MYH8: variants seen among roughly 807,000 people sequenced by gnomAD.
MYH8 encodes the protein myosin-8.
Under a neutral mutation model 233.2 loss-of-function variants are expected in MYH8, and 168 were observed. The observed-to-expected ratio is 0.72, with a 90% CI of 0.64 to 0.82. The LOEUF (loss-of-function observed/expected upper bound fraction) is 0.82. MYH8 is among the 40% of genes least tolerant of loss of function. The pLI is 0.00. For missense variants in MYH8, 1,995 were observed against 2,327.8 expected (o/e 0.86, Z 2.94); for synonymous variants, 785 against 850.6 (o/e 0.92, Z 1.34).
chr17:10,402,248 G>T (rs1330719950), intron 22 of MYH8, among the ~76,000 whole-genome samples: 1 of 152,006 alleles, frequency 6.6e-6, no homozygotes, highest in Non-Finnish European at 1.5e-5. Flanking sequence ...GGTTAGTTTT[G>T]GTTTTGATCA....
Position 10,417,298 on chromosome 17 carries a change from A to G in MYH8, c.511+1347T>C, listed in dbSNP as rs1168981385. On this transcript the variant is annotated intron_variant, in intron 5 of 39. Coordinates refer to ENST00000403437, the MANE Select transcript of MYH8 (RefSeq NM_002472.3). The surrounding 1 kb of genome is among the most constrained non-coding windows in gnomAD (Gnocchi z 4.1). ...ACCTAAAAATCTATTCAGGGAAAATAGATATAAATCTGGATGTTATTTAGA... is the reference window on the plus strand; with the variant it reads ...ACCTAAAAATCTATTCAGGGAAAATGGATATAAATCTGGATGTTATTTAGA... Among the ~76,000 whole-genome samples the G allele has an allele frequency of 6.6e-6, 1 of 152,276 alleles. No homozygotes were observed. The highest frequency in any genetic ancestry group is 1.5e-5 in the Non-Finnish European group (1 of 68,050).
rs764945421 is a variant in MYH8, at chr17:10,400,959, C to G, written c.3255G>C (p.Lys1085Asn). The G allele has an allele frequency of 4.3e-6, 7 of 1,613,614 alleles. No homozygotes were observed. In the South Asian group the frequency reaches 5.5e-5, roughly 13 times the overall value. ...TCAAATTGCTGATTTCAAATTCTTT[C>G]CTTTAGACAGAAGAGCAAGACGTAT... is the stretch of plus-strand genomic sequence containing the variant. Reference protein sequence around the residue: ...DKQQLDEKLEKKEFEISNLIS... With the variant: ...DKQQLDEKLENKEFEISNLIS... The change falls in exon 26 of 40, where the codon AAG becomes AAC. Residue 1085 changes from lysine (K) to asparagine (N), a missense_variant and splice_region_variant. By Grantham distance (94) the Lys-to-Asn change is moderately conservative. Around this residue, in one of 3 missense-constraint regions of MYH8, gnomAD observed 1,498 missense variants for 1,680.9 expected, o/e 0.89. Coordinates refer to ENST00000403437, the MANE Select transcript of MYH8 (RefSeq NM_002472.3). This position sits in a 1 kb window ranked among gnomAD's most constrained non-coding sequence, Gnocchi z 4.0.
chr17:10,401,605 T>A lies in MYH8; in HGVS notation c.2869A>T (p.Ile957Phe). 6.2e-7 allele frequency: 1 copy of A among 1,614,196 alleles called. No homozygotes were observed. The highest frequency in any genetic ancestry group is 1.1e-5 in the South Asian group (1 of 91,084). ...GCCAGTGTCAGCTCAAGGTCATCAA[T>A]GTCTTTCTTGAGTTCTGAACATTCA... ...EDECSELKKDIDDLELTLAKV... is the reference protein window; with the variant it reads ...EDECSELKKDFDDLELTLAKV... Residue 957 changes from isoleucine (I) to phenylalanine (F), a missense_variant, in exon 23 of 40, where the codon ATT becomes TTT. By Grantham distance (21) the Ile-to-Phe change is conservative (BLOSUM62 0). This residue lies in a region of MYH8 where 1,498 missense variants were observed against 1,680.9 expected (regional missense o/e 0.89). Coordinates refer to ENST00000403437, the MANE Select transcript of MYH8 (RefSeq NM_002472.3).
In MYH8 at chr17:10,396,695, C is replaced by T. The variant is rs1727565062; in HGVS notation, c.4386G>A (p.Lys1462=). Residue 1462 remains lysine (K), a synonymous_variant, in exon 32 of 40, where the codon AAG becomes AAA. Transcript: ENST00000403437. This position sits in a 1 kb window ranked among gnomAD's most constrained non-coding sequence, Gnocchi z 4.2. ...FDKVLSEWKQ[K]YEETQAELEA... is the part of the protein sequence containing the mutation. ...CAAGTTCAGCCTGAGTTTCCTCATA[C>T]TTCTGCTTCCATTCTGATAGGACCT... is the stretch of plus-strand genomic sequence containing the variant. 1.2e-6 allele frequency: 2 copies of T among 1,614,214 alleles called. No individual in the cohort carries two copies. The highest frequency in any genetic ancestry group is 1.7e-6 in the Non-Finnish European group (2 of 1,180,040).
Position 10,394,436 on chromosome 17 carries a change from A to T in MYH8, c.4979T>A (p.Leu1660Gln). The T allele has an allele frequency of 2.5e-6, 4 of 1,614,164 alleles. No individual in the cohort carries two copies. The highest frequency in any genetic ancestry group is 3.4e-6 in the Non-Finnish European group (4 of 1,180,030). The change falls in exon 35 of 40, where the codon CTG becomes CAG. Residue 1660 changes from leucine to glutamine, a missense_variant. Leu to Gln is a moderately radical substitution (Grantham distance 113). Transcript: ENST00000403437. ...QGILKETQLHLDDALRGQEDL... is the reference protein window; with the variant it reads ...QGILKETQLHQDDALRGQEDL... ...CTCCTGGCCCCGGAGAGCATCATCC[A>T]GGTGGAGCTGGGTTTCCTAATAAGT...
chr17:10,420,510 T>C (rs940428304), intron 2 of MYH8, among the ~76,000 whole-genome samples: 1 of 152,228 alleles, frequency 6.6e-6, no homozygotes, highest in Non-Finnish European at 1.5e-5. Flanking sequence ...GTACCTACAA[T>C]TGAATTAGAA....
intron 14 of MYH8, 111 bp downstream of exon 14, chr17:10,412,259 C>T: frequency 6.2e-7 from 1 of 1,601,780 alleles, no homozygotes; most frequent in Non-Finnish European, 8.5e-7. Context: ...GTTCTAGGTG[C>T]AGTGTTGGAG....
Position 10,414,227 on chromosome 17 carries a change from T to G in MYH8, c.973A>C (p.Ser325Arg). The change falls in exon 11 of 40, where the codon AGT (serine) becomes CGT (arginine). Residue 325 changes from serine to arginine, a missense_variant. Coordinates refer to ENST00000403437, the MANE Select transcript of MYH8 (RefSeq NM_002472.3). ...ATCAACTCTTCTTGGTCATCAATAC[T>G]GGGAACTGTGATCTCCCCCTGACTG... is the stretch of plus-strand genomic sequence containing the variant. Reference protein sequence around the residue: ...FVSQGEITVPSIDDQEELMAT... With the variant: ...FVSQGEITVPRIDDQEELMAT... 6.2e-7 allele frequency: 1 copy of G among 1,614,188 alleles called. No homozygotes were observed. The highest frequency in any genetic ancestry group is 1.6e-4 in the Middle Eastern group (1 of 6,062).
chr17:10,405,232 G>C (rs542838647), intron 21 of MYH8, among the ~76,000 whole-genome samples: 2 of 152,206 alleles, frequency 1.3e-5, no homozygotes, highest in South Asian at 2.1e-4. Context: ...ATATTTGCGA[G>C]GCATTCAGCA....
At position 10,394,125 on chromosome 17, in the gene MYH8, T is replaced by C. The variant is rs1162438509; in HGVS notation, c.5166+124A>G. The C allele has an allele frequency of 2.2e-6, 3 of 1,338,678 alleles. No individual in the cohort carries two copies. In the African/African-American group the frequency reaches 4.4e-5, roughly 20 times the overall value. 82.9% of individuals were successfully genotyped at this position (1,338,678 alleles called of 1,614,324 possible). A position where few individuals can be genotyped will look rare whatever the true frequency, so the allele number is the denominator to read the frequency against. ...TACCCTAAGATAATAGCAATGAGTATTTTTGAGCATATCCCCCATCCATGT... is the reference window on the plus strand; with the variant it reads ...TACCCTAAGATAATAGCAATGAGTACTTTTGAGCATATCCCCCATCCATGT... On this transcript the variant is annotated intron_variant, in intron 35 of 39. Coordinates refer to ENST00000403437, the MANE Select transcript of MYH8 (RefSeq NM_002472.3).
Position 10,400,823 on chromosome 17 carries a change from CA to C in MYH8, c.3345+45del. ...CATAAACATAAACTCATCTCAACTT[CA>C]GTGTTTTTTTGGTGTGCAGAAAAAA... On this transcript the variant is annotated intron_variant, in intron 26 of 39. Coordinates refer to ENST00000403437, the MANE Select transcript of MYH8 (RefSeq NM_002472.3). The surrounding 1 kb of genome is among the most constrained non-coding windows in gnomAD (Gnocchi z 4.0). 6.2e-7 allele frequency: 1 copy of C among 1,613,892 alleles called. No homozygotes were observed. Among genetic ancestry groups the C allele is most frequent in the Non-Finnish European group, 8.5e-7 (1 of 1,180,000 alleles).
In MYH8 at chr17:10,396,881, A is replaced by G. The variant is rs201168454; in HGVS notation, c.4284T>C (p.Val1428=). The change falls in exon 31 of 40, where the codon GTT becomes GTC. Residue 1428 remains valine (V), a synonymous_variant. Coordinates refer to ENST00000403437, the MANE Select transcript of MYH8 (RefSeq NM_002472.3). This position sits in a 1 kb window ranked among gnomAD's most constrained non-coding sequence, Gnocchi z 4.2. ...EKTKQRLQNE[V]EDLMLDVERS... is the part of the protein sequence containing the mutation. ...TTTCCACATCAAGCATGAGGTCTTC[A>G]ACTTCATTCTGGAGCCGCTGCTTCG... The G allele has an allele frequency of 6.2e-7, 1 of 1,614,200 alleles. No individual in the cohort carries two copies. Among genetic ancestry groups the G allele is most frequent in the East Asian group, 2.2e-5 (1 of 44,888 alleles).
chr17:10,418,896 C>T lies in MYH8; in HGVS notation c.345G>A (p.Trp115Ter). 6.2e-7 allele frequency: 1 copy of T among 1,614,104 alleles called. No homozygotes were observed. Among genetic ancestry groups the T allele is most frequent in the East Asian group, 2.2e-5 (1 of 44,880 alleles). The stretch of plus-strand genomic sequence containing the variant: ...GTTTACAGACACTCACGTAGATCAT[C>T]CAGGCTGCATAGCGCTCTTTGAGGT... ...LYNLKERYAA[W>*]MIYTYSGLFC... Residue 115 changes from tryptophan (W) to a stop codon, truncating the protein, a stop_gained, in exon 4 of 40, where the codon TGG becomes TGA. Transcript: ENST00000403437. LOFTEE classifies it high-confidence loss of function.
intron 30 of MYH8, 32 bp from the exon 31 acceptor site, chr17:10,397,018 G>A (rs1241291589): frequency 1.2e-6 from 2 of 1,611,758 alleles, no homozygotes; most frequent in Admixed American, 3.3e-5. Flanking sequence ...CAGGAGAATG[G>A]CCAAGACCAG....
In MYH8 at chr17:10,409,277, A is replaced by G; in HGVS notation, c.1897+2T>C. On this transcript the variant is annotated splice_donor_variant, in intron 16 of 39. Transcript: ENST00000403437. LOFTEE classifies it high-confidence loss of function. ...AATTTAGATTAAGGACACAGAAAGT[A>G]CCTGCTTCAGCACTAGCATACGTGG... 3 of 1,614,224 alleles carry G rather than the reference A, an allele frequency of 1.9e-6. No individual in the cohort carries two copies. Among genetic ancestry groups the G allele is most frequent in the Non-Finnish European group, 2.5e-6 (3 of 1,180,018 alleles).
rs1597404680 is a variant in MYH8, at chr17:10,414,451, A to G, written c.839T>C (p.Leu280Pro). ...AATATGGTAGCTTCTTTCCGCCTTTAGCTGGAAAGTAACTCTGGACTTTTC... is the reference window on the plus strand; with the variant it reads ...AATATGGTAGCTTCTTTCCGCCTTTGGCTGGAAAGTAACTCTGGACTTTTC... The part of the protein sequence containing the change: ...LLEKSRVTFQ[L>P]KAERSYHIFY... Residue 280 changes from leucine to proline, a missense_variant, in exon 10 of 40, where the codon CTA becomes CCA. Around this residue, in one of 3 missense-constraint regions of MYH8, gnomAD observed 479 missense variants for 600.9 expected, o/e 0.80. Transcript: ENST00000403437. The G allele has an allele frequency of 6.2e-7, 1 of 1,613,344 alleles. No homozygotes were observed. Among genetic ancestry groups the G allele is most frequent in the Non-Finnish European group, 8.5e-7 (1 of 1,179,372 alleles).
Position 10,417,964 on chromosome 17 carries a change from C to T in MYH8, c.511+681G>A, listed in dbSNP as rs1567690429. Among the ~76,000 whole-genome samples the T allele has an allele frequency of 6.6e-6, 1 of 152,086 alleles. No homozygotes were observed. The highest frequency in any genetic ancestry group is 2.4e-5 in the African/African-American group (1 of 41,398). ...ATAGAAAGTATTTCCAAAGGCAGTG[C>T]ATTTGGTGTGTGAAGATAAAAGGTT... On this transcript the variant is annotated intron_variant, in intron 5 of 39. Transcript: ENST00000403437. The surrounding 1 kb of genome is among the most constrained non-coding windows in gnomAD (Gnocchi z 4.1).
At chr17:10,393,630 A>G (rs775817839) in intron 35 of MYH8, among the ~76,000 whole-genome samples, 1 of 152,206 alleles carries the variant, frequency 6.6e-6, no homozygotes, top group Non-Finnish European at 1.5e-5. Flanking sequence ...GTCGGAGAGC[A>G]CTGAATTTGT....
In MYH8 at chr17:10,415,551, T is replaced by G; in HGVS notation, c.569A>C (p.Asn190Thr). 6.2e-7 allele frequency: 1 copy of G among 1,614,188 alleles called. No individual in the cohort carries two copies. Among genetic ancestry groups the G allele is most frequent in the Non-Finnish European group, 8.5e-7 (1 of 1,180,010 alleles). Residue 190 changes from asparagine to threonine, a missense_variant, in exon 7 of 40, where the codon AAC becomes ACC. Physicochemically the swap from Asn to Thr is moderately conservative, Grantham distance 65. Transcript: ENST00000403437. The surrounding 1 kb of genome is among the most constrained non-coding windows in gnomAD (Gnocchi z 4.1). ...TGESGAGKTV[N>T]TKRVIQYFAT... The stretch of plus-strand genomic sequence containing the variant: ...AAAGTATTGGATGACACGCTTGGTG[T>G]TCACAGTCTTTCCGGCACCAGATTC...
Sources: allele counts gnomAD v4.1 joint callset (sites outside exome capture counted in the v4.1 genomes callset), GRCh38; gene constraint gnomAD v4.1.1; regional missense constraint gnomAD v4.1.1; non-coding constraint Gnocchi (gnomAD v3.1); transcripts MANE v1.5; gene names NCBI Gene and HGNC (gene_info 2026-07-23, HGNC 2026-07-21).